MBD5: variants seen among roughly 807,000 people sequenced by gnomAD.
MBD5 encodes methyl-CpG-binding domain protein 5.
Under a neutral mutation model 117.3 loss-of-function variants are expected in MBD5, and 13 were observed. The ratio of observed to expected loss-of-function variants is 0.11; its 90% CI spans 0.07 to 0.18. The LOEUF (loss-of-function observed/expected upper bound fraction) is 0.18, where lower values mean the gene tolerates loss of function less well. Among genes scored for constraint, MBD5 ranks in the 10% least tolerant of loss-of-function variants. The pLI is 1.00. For synonymous variants in MBD5, 727 were observed against 766.4 expected, an observed-to-expected ratio of 0.95 and a Z score of 0.85; for missense variants, 1,879 against 2,093.8, an observed-to-expected ratio of 0.90 and a Z score of 2.00.
At chr2:148,139,723 A>G (rs955432202) in intron 1 of MBD5, among the ~76,000 whole-genome samples, 3 of 152,146 alleles carry the variant, frequency 2.0e-5, no homozygotes, top group African/African-American at 7.2e-5. Flanking sequence ...CTCCACTTTT[A>G]AACAATAGCT....
chr2:148,251,573 T>A (rs748246671), intron 3 of MBD5, among the ~76,000 whole-genome samples: 2 of 152,242 alleles, frequency 1.3e-5, no homozygotes, highest in Non-Finnish European at 2.9e-5. Context: ...CATAAATTTA[T>A]TCATAGTATA....
At chr2:148,064,360 T>C (rs1453778151) in intron 1 of MBD5, among the ~76,000 whole-genome samples, 1 of 151,216 alleles carries the variant, frequency 6.6e-6, no homozygotes, top group Non-Finnish European at 1.5e-5. Context: ...CGTGATCCCC[T>C]CGCCTCGGCC....
intron 11 of MBD5, among the ~76,000 whole-genome samples, chr2:148,494,980 T>C (rs563678857): frequency 6.6e-6 from 1 of 151,994 alleles, no homozygotes; most frequent in Non-Finnish European, 1.5e-5. Context: ...AAAAATAAAA[T>C]AAATAAAAAA....
chr2:148,296,863 A>ATTTTTTT (rs1559010681), intron 3 of MBD5, among the ~76,000 whole-genome samples: 476 of 37,590 alleles, frequency 0.013, 67 homozygotes, highest in Middle Eastern at 0.031. Flanking sequence ...TTAGTTCTTC[A>ATTTTTTT]ATTTTTTTTT....
intron 4 of MBD5, among the ~76,000 whole-genome samples, chr2:148,411,362 C>T (rs902169647): frequency 6.6e-6 from 1 of 151,972 alleles, no homozygotes; most frequent in African/African-American, 2.4e-5. Flanking sequence ...GATATGTACC[C>T]AAAAATGGGA....
intron 4 of MBD5, among the ~76,000 whole-genome samples, chr2:148,445,470 CA>C (rs1706469756): frequency 6.6e-6 from 1 of 151,236 alleles, no homozygotes; most frequent in African/African-American, 2.5e-5. Flanking sequence ...ATGAACTCAT[CA>C]ATTTTTATGG....
chr2:148,431,152 C>T (rs1443308346), intron 4 of MBD5, among the ~76,000 whole-genome samples: 3 of 152,000 alleles, frequency 2.0e-5, no homozygotes, highest in Non-Finnish European at 4.4e-5. Flanking sequence ...TAAAATTCTC[C>T]TCTCTCTCAT....
chr2:148,206,367 T>C (rs1378039102), intron 2 of MBD5, among the ~76,000 whole-genome samples: 1 of 152,192 alleles, frequency 6.6e-6, no homozygotes, highest in Non-Finnish European at 1.5e-5. Flanking sequence ...TACACATTTA[T>C]GGGGTACATA....
At chr2:148,488,470 A>T (rs964473622) in intron 10 of MBD5, among the ~76,000 whole-genome samples, 2 of 152,004 alleles carry the variant, frequency 1.3e-5, no homozygotes, top group African/African-American at 4.8e-5. Context: ...TTGATCCAAG[A>T]TTGGGATTTT....
intron 1 of MBD5, among the ~76,000 whole-genome samples, chr2:148,039,482 C>T (rs1378913501): frequency 6.6e-6 from 1 of 152,030 alleles, no homozygotes; most frequent in Non-Finnish European, 1.5e-5. Flanking sequence ...TCACTTCCTA[C>T]CCTGGGCTAA....
upstream of MBD5, chr2:148,021,082 C>A: frequency 6.5e-6 from 1 of 152,726 alleles, no homozygotes; most frequent in South Asian, 2.0e-4. Flanking sequence ...CGAACCCCCC[C>A]TCCCCCCCAA....
chr2:148,180,710 G>A (rs1698511886), intron 2 of MBD5, among the ~76,000 whole-genome samples: 1 of 151,798 alleles, frequency 6.6e-6, no homozygotes, highest in African/African-American at 2.4e-5. Context: ...TTTTTTAAAA[G>A]ACCTTTTACA....
chr2:148,371,172 T>C (rs1255358145), intron 4 of MBD5, among the ~76,000 whole-genome samples: 1 of 152,186 alleles, frequency 6.6e-6, no homozygotes, highest in Non-Finnish European at 1.5e-5. Context: ...AATTTTAAAG[T>C]CTACATTTAA....
intron 4 of MBD5, among the ~76,000 whole-genome samples, chr2:148,378,807 A>G (rs1484616696): frequency 6.6e-6 from 1 of 152,112 alleles, no homozygotes; most frequent in Non-Finnish European, 1.5e-5. Context: ...GCATATTTAC[A>G]AATATGTGAT....
intron 2 of MBD5, among the ~76,000 whole-genome samples, chr2:148,194,837 A>G (rs1410190018): frequency 6.6e-6 from 1 of 152,136 alleles, no homozygotes; most frequent in East Asian, 1.9e-4. Flanking sequence ...GCAAGGTGCT[A>G]AACTTAGAAC....
chr2:148,280,565 G>A (rs1701225483), intron 3 of MBD5, among the ~76,000 whole-genome samples: 2 of 152,126 alleles, frequency 1.3e-5, no homozygotes, highest in Non-Finnish European at 2.9e-5. Flanking sequence ...CCAAGTAGCT[G>A]GGACCTCAGG....
intron 1 of MBD5, among the ~76,000 whole-genome samples, chr2:148,092,636 A>G (rs1695971674): frequency 6.6e-6 from 1 of 152,084 alleles, no homozygotes; most frequent in African/African-American, 2.4e-5. Context: ...ATGCATAAGA[A>G]TAATATAATG....
At chr2:148,044,536 A>G (rs1694461335) in intron 1 of MBD5, 1 of 152,200 alleles carries the variant, frequency 6.6e-6, no homozygotes, top group African/African-American at 2.4e-5. Context: ...CAGGTAAAAT[A>G]ATGTAGATGA....
intron 3 of MBD5, among the ~76,000 whole-genome samples, chr2:148,294,506 T>TTTTTTTTTGTTTTTTTTTTTTTTTG (rs1397412173): frequency 2.3e-5 from 3 of 130,642 alleles, no homozygotes; most frequent in Non-Finnish European, 3.2e-5. Context: ...TTACAGTTTT[T>TTTTTTTTTGTTTTTTTTTTTTTTTG]TTTTTTTTTT....
Sources: allele counts gnomAD v4.1 joint callset (sites outside exome capture counted in the v4.1 genomes callset), GRCh38; gene constraint gnomAD v4.1.1; transcripts MANE v1.5; gene names NCBI Gene and HGNC (gene_info 2026-07-23, HGNC 2026-07-21).